The following PREP variants were observed in gnomAD, a reference collection of about 807,000 sequenced individuals.
PREP encodes dJ355L5.1 (prolyl endopeptidase).
PREP carries 29 observed loss-of-function variants against 87.6 expected under a neutral mutation model. That is an observed-to-expected ratio of 0.33 (90% CI 0.25 to 0.45). The LOEUF is 0.45. Among genes scored for constraint, PREP ranks in the 20% least tolerant of loss-of-function variants. The probability of loss-of-function intolerance (pLI) is 1.00; values close to 1 mark genes in which losing one functional copy is unlikely to be tolerated. For missense variants in PREP, 695 were observed against 886.5 expected, an observed-to-expected ratio of 0.78 and a Z score of 2.74; for synonymous variants, 337 against 328.6, an observed-to-expected ratio of 1.03 and a Z score of -0.28.
rs78878599 is a variant in PREP at position 105,358,391 on chromosome 6, T to A, written c.718-5314A>T. ...GTCACCTGTTGAATTATATTTAGAG[T>A]ACTGATTAAATATAATTAGAAAATA... is the stretch of plus-strand genomic sequence containing the variant. On this transcript the variant is annotated intron_variant, in intron 6 of 14. Transcript: ENST00000652536. 8.5e-5 allele frequency among the ~76,000 whole-genome samples: 13 copies of A among 152,234 alleles called. No homozygotes were observed. The East Asian group carries it at 2.5e-3, about 29-fold the overall frequency.
chr6:105,362,879 C>T (rs1772290598), intron 6 of PREP, among the ~76,000 whole-genome samples: 1 of 152,020 alleles, frequency 6.6e-6, no homozygotes, highest in Admixed American at 6.5e-5. Flanking sequence ...GAGGCAGGGA[C>T]CCCCCACCAG....
At chr6:105,294,680 A>G (rs1357871063) in intron 10 of PREP, among the ~76,000 whole-genome samples, 1 of 152,194 alleles carries the variant, frequency 6.6e-6, no homozygotes, top group Non-Finnish European at 1.5e-5. Context: ...ACAAACCAAC[A>G]GCACAACGCT....
intron 6 of PREP, among the ~76,000 whole-genome samples, chr6:105,364,987 C>T (rs776369551): frequency 6.6e-6 from 1 of 152,216 alleles, no homozygotes. Flanking sequence ...CAGTGGCTCA[C>T]GCCTGTAATC....
chr6:105,377,669 T>A, intron 2 of PREP, 150 bp from the exon 3 acceptor site: 1 of 789,760 alleles, frequency 1.3e-6, no homozygotes, highest in Non-Finnish European at 2.0e-6. Flanking sequence ...CTCCTTACTC[T>A]TCTTCATACC....
At chr6:105,372,181 A>G (rs1192451139) in intron 5 of PREP, among the ~76,000 whole-genome samples, 4 of 152,106 alleles carry the variant, frequency 2.6e-5, no homozygotes, top group Non-Finnish European at 5.9e-5. Context: ...AAAACACTGT[A>G]GCCTTATTCT....
chr6:105,305,842 TTC>T (rs1435251968), intron 10 of PREP, among the ~76,000 whole-genome samples: 1 of 48,150 alleles, frequency 2.1e-5, no homozygotes, highest in Admixed American at 3.0e-4. Context: ...ATATATCCTT[TTC>T]TTTTTTTTTT....
intron 2 of PREP, among the ~76,000 whole-genome samples, chr6:105,386,315 G>A (rs1772994202): frequency 6.6e-6 from 1 of 152,144 alleles, no homozygotes; most frequent in Admixed American, 6.5e-5. Flanking sequence ...GAAAAGTCTG[G>A]AAGAAAAGAG....
At chr6:105,280,486 T>C (rs1770055886) in intron 14 of PREP, 1 of 152,202 alleles carries the variant, frequency 6.6e-6, no homozygotes. Context: ...GTTATCAGCA[T>C]AGTGGTTGCA....
chr6:105,318,671 A>G (rs1770932149), intron 10 of PREP, among the ~76,000 whole-genome samples: 1 of 152,256 alleles, frequency 6.6e-6, no homozygotes, highest in African/African-American at 2.4e-5. Context: ...GCAATAAATC[A>G]GCAAGAACCG....
intron 5 of PREP, among the ~76,000 whole-genome samples, chr6:105,369,470 C>T (rs1032992383): frequency 3.3e-5 from 5 of 152,188 alleles, no homozygotes; most frequent in South Asian, 2.1e-4. Context: ...TTCTAAAGTT[C>T]ACATGCAAAG....
At chr6:105,386,033 T>C (rs1269370888) in intron 2 of PREP, among the ~76,000 whole-genome samples, 9 of 152,078 alleles carry the variant, frequency 5.9e-5, no homozygotes, top group Non-Finnish European at 1.5e-5. Context: ...GGCAGGAGAA[T>C]TGCCTGAACC....
Position 105,376,218 on chromosome 6 carries a change from G to T in PREP, c.292C>A (p.Arg98=), listed in dbSNP as rs141312833. ...YFYNTGLQNQ[R]VLYVQDSLEG... Reference sequence around the variant, plus strand: ...AAGGAATCCTGTACATATAATACTCGCTGGTTCTGCAAACCTGTATTGTAA... The same window carrying T: ...AAGGAATCCTGTACATATAATACTCTCTGGTTCTGCAAACCTGTATTGTAA... Residue 98 remains arginine, a synonymous_variant, in exon 4 of 15, where the codon CGA becomes AGA. Transcript: ENST00000652536. 6.2e-7 allele frequency: 1 copy of T among 1,613,366 alleles called. No individual in the cohort carries two copies. The highest frequency in any genetic ancestry group is 1.1e-5 in the South Asian group (1 of 90,984).
At position 105,278,037 on chromosome 6, in the gene PREP, G is replaced by T; in HGVS notation, c.*107C>A. The stretch of plus-strand genomic sequence containing the variant: ...TGTTCAACTGTAGCCTGTGAGTGCA[G>T]GAATAATGTTCCCGTGGGGAAGCAT... On this transcript the variant is annotated 3_prime_UTR_variant, in exon 15 of 15. Transcript: ENST00000652536. This position sits in a 1 kb window ranked among gnomAD's most constrained non-coding sequence, Gnocchi z 4.2. 1 of 1,397,368 alleles carries T rather than the reference G, an allele frequency of 7.2e-7. No homozygotes were observed. The highest frequency in any genetic ancestry group is 9.8e-7 in the Non-Finnish European group (1 of 1,019,172). The allele number at this position is 1,397,368 out of a possible 1,614,324, so 86.6% of individuals were successfully genotyped here. A position where few individuals can be genotyped will look rare whatever the true frequency, so the allele number is the denominator to read the frequency against.
rs144311351 is a variant in PREP, at chr6:105,364,554, C to T, written c.717+4349G>A. On this transcript the variant is annotated intron_variant, in intron 6 of 14. Coordinates refer to ENST00000652536, the MANE Select transcript of PREP (RefSeq NM_002726.5). Reference sequence around the variant, plus strand: ...GCACACGTCCACAAGCACATCCAGTCTCTGCCCACAGGGTTCCTCCACCCA... The same window carrying T: ...GCACACGTCCACAAGCACATCCAGTTTCTGCCCACAGGGTTCCTCCACCCA... Among the ~76,000 whole-genome samples the T allele has an allele frequency of 7.9e-3, 1,199 of 152,254 alleles. 13 individuals carry two copies. Among genetic ancestry groups the T allele is most frequent in the African/African-American group, 0.027 (1,139 of 41,546 alleles).
rs1285292120 is a variant in PREP at position 105,301,647 on chromosome 6, TTTAG to T, written c.1318-12757_1318-12754del. On this transcript the variant is annotated intron_variant, in intron 10 of 14. Coordinates refer to ENST00000652536, the MANE Select transcript of PREP (RefSeq NM_002726.5). ...AGAAGGAAAGTCTATTCCAGACTGC[TTTAG>T]TTAGTTTTTCCAAGGATGGCTGGGC... 4.6e-5 allele frequency among the ~76,000 whole-genome samples: 7 copies of T among 152,336 alleles called. No individual in the cohort carries two copies. In the East Asian group the frequency reaches 9.6e-4, roughly 21 times the overall value.
In PREP at chr6:105,397,907, A is replaced by G; in HGVS notation, c.66T>C (p.His22=). Residue 22 remains histidine (H), a synonymous_variant, in exon 2 of 15, where the codon CAT becomes CAC. Transcript: ENST00000652536. The stretch of plus-strand genomic sequence containing the variant: ...GCCAGGCGTAAGGGTCACAAATTTT[A>G]TGACCATGATAATCCTGTACCTGTA... ...DETAVQDYHG[H]KICDPYAWLE... is the part of the protein sequence containing the mutation. 1 of 1,610,894 alleles carries G rather than the reference A, an allele frequency of 6.2e-7. No individual in the cohort carries two copies. Among genetic ancestry groups the G allele is most frequent in the Non-Finnish European group, 8.5e-7 (1 of 1,177,038 alleles).
At chr6:105,398,562 C>T (rs1411699541) in intron 1 of PREP, among the ~76,000 whole-genome samples, 2 of 152,022 alleles carry the variant, frequency 1.3e-5, no homozygotes, top group Admixed American at 6.6e-5. Context: ...CCACTGTTTA[C>T]AAAAAGAAGG....
chr6:105,394,005 T>C (rs988375662), intron 2 of PREP, among the ~76,000 whole-genome samples: 1 of 152,104 alleles, frequency 6.6e-6, no homozygotes. Context: ...ACTAGCCACA[T>C]TTCAGGTCCT....
intron 13 of PREP, 90 bp downstream of exon 13, chr6:105,282,361 A>AAGTT: frequency 2.0e-6 from 3 of 1,476,808 alleles, no homozygotes; most frequent in Admixed American, 2.2e-5. Context: ...CCTATCCACA[A>AAGTT]AGTTAAGTCA....
Sources: allele counts gnomAD v4.1 joint callset (sites outside exome capture counted in the v4.1 genomes callset), GRCh38; gene constraint gnomAD v4.1.1; non-coding constraint Gnocchi (gnomAD v3.1); transcripts MANE v1.5; gene names NCBI Gene and HGNC (gene_info 2026-07-23, HGNC 2026-07-21).